The following GRM7 variants were observed in gnomAD, a reference collection of about 807,000 sequenced individuals.
GRM7 encodes metabotropic glutamate receptor 7.
GRM7 carries 35 observed loss-of-function variants against 84.5 expected under a neutral mutation model. That is an observed-to-expected ratio of 0.41 (90% confidence interval 0.32 to 0.55). The LOEUF (loss-of-function observed/expected upper bound fraction) is 0.55. GRM7 is among the 20% of genes least tolerant of loss of function. GRM7 has a pLI of 0.19. For missense variants in GRM7, 1,003 were observed against 1,194.6 expected (o/e 0.84, Z 2.36); for synonymous variants, 487 against 455.1 (o/e 1.07, Z -0.89).
At chr3:7,706,363 G>T (rs1455035858) in intron 9 of GRM7, among the ~76,000 whole-genome samples, 3 of 152,138 alleles carry the variant, frequency 2.0e-5, no homozygotes, top group Non-Finnish European at 2.9e-5. Context: ...GAATGTTGTA[G>T]TTTGTATGTG....
chr3:7,386,702 C>T (rs760752157), intron 4 of GRM7, among the ~76,000 whole-genome samples: 2 of 152,160 alleles, frequency 1.3e-5, no homozygotes, highest in South Asian at 2.1e-4. Context: ...CATGACCCTG[C>T]TATTGTTAAT....
At chr3:7,059,053 A>C (rs1425156499) in intron 1 of GRM7, among the ~76,000 whole-genome samples, 1 of 151,880 alleles carries the variant, frequency 6.6e-6, no homozygotes, top group Non-Finnish European at 1.5e-5. Flanking sequence ...GCAGATATTT[A>C]AGAATGTTAG....
Position 6,862,913 on chromosome 3 carries a change from C to G in GRM7, c.519+1006C>G, listed in dbSNP as rs1694810677. 2.3e-6 allele frequency: 1 copy of G among 430,662 alleles called. No homozygotes were observed. Among genetic ancestry groups the G allele is most frequent in the East Asian group, 7.9e-5 (1 of 12,682 alleles). 26.7% of individuals were successfully genotyped at this position (430,662 alleles called of 1,614,324 possible). ...GAGAAAAAATGGGAGGAAGGCGGATCCGGGGCCGCTGAGCGGTGGGTTCTG... is the reference window on the plus strand; with the variant it reads ...GAGAAAAAATGGGAGGAAGGCGGATGCGGGGCCGCTGAGCGGTGGGTTCTG... On this transcript the variant is annotated intron_variant, in intron 1 of 9. Coordinates refer to ENST00000357716, the MANE Select transcript of GRM7 (RefSeq NM_000844.4). The surrounding 1 kb of genome is among the most constrained non-coding windows in gnomAD (Gnocchi z 5.2).
intron 9 of GRM7, among the ~76,000 whole-genome samples, chr3:7,684,965 CCTGT>C (rs1339174230): frequency 6.6e-6 from 1 of 152,178 alleles, no homozygotes; most frequent in African/African-American, 2.4e-5. Context: ...TTCTCACATT[CCTGT>C]CTAAGAAGAA....
chr3:7,032,064 C>T (rs1034198047), intron 1 of GRM7, among the ~76,000 whole-genome samples: 9 of 152,176 alleles, frequency 5.9e-5, no homozygotes, highest in Non-Finnish European at 1.0e-4. Context: ...TTTGAAGTGC[C>T]TAATATCCTA....
chr3:7,135,956 G>A (rs780214945), intron 1 of GRM7, among the ~76,000 whole-genome samples: 3 of 151,928 alleles, frequency 2.0e-5, no homozygotes, highest in Non-Finnish European at 2.9e-5. Flanking sequence ...AGTCTTCAGT[G>A]ACAATTATTG....
chr3:7,401,977 C>G (rs1419017572), intron 4 of GRM7, among the ~76,000 whole-genome samples: 1 of 152,096 alleles, frequency 6.6e-6, no homozygotes, highest in African/African-American at 2.4e-5. Context: ...AGGAATATAT[C>G]AAGGCCTTAG....
chr3:7,383,021 A>G (rs1342377134), intron 4 of GRM7, among the ~76,000 whole-genome samples: 1 of 152,006 alleles, frequency 6.6e-6, no homozygotes, highest in Non-Finnish European at 1.5e-5. Context: ...GTTTGTATTG[A>G]TTTTTCTCGT....
At chr3:7,563,507 A>G (rs1349995444) in intron 7 of GRM7, among the ~76,000 whole-genome samples, 1 of 152,208 alleles carries the variant, frequency 6.6e-6, no homozygotes, top group Non-Finnish European at 1.5e-5. Flanking sequence ...ATTTCAAACA[A>G]GAGAAAGACC....
chr3:7,184,043 T>G (rs1385312684), intron 2 of GRM7, among the ~76,000 whole-genome samples: 2 of 151,976 alleles, frequency 1.3e-5, no homozygotes, highest in Non-Finnish European at 2.9e-5. Context: ...TGAAATGAAA[T>G]GTATGTTTTG....
intron 2 of GRM7, among the ~76,000 whole-genome samples, chr3:7,257,720 C>T (rs1332858271): frequency 6.6e-6 from 1 of 152,180 alleles, no homozygotes; most frequent in African/African-American, 2.4e-5. Flanking sequence ...TTCCTAACAG[C>T]ATGGATCAGA....
intron 6 of GRM7, among the ~76,000 whole-genome samples, chr3:7,459,442 A>G (rs749723251): frequency 6.6e-6 from 1 of 152,096 alleles, no homozygotes; most frequent in Non-Finnish European, 1.5e-5. Context: ...CACTGCTGAT[A>G]AAGACTTGCC....
chr3:7,547,122 C>G (rs1449273343), intron 7 of GRM7, among the ~76,000 whole-genome samples: 1 of 151,556 alleles, frequency 6.6e-6, no homozygotes, highest in Non-Finnish European at 1.5e-5. Flanking sequence ...CTAATGAACC[C>G]GTCCTATGCC....
intron 8 of GRM7, among the ~76,000 whole-genome samples, chr3:7,645,200 GA>G (rs1180425115): frequency 6.6e-6 from 1 of 152,026 alleles, no homozygotes; most frequent in Non-Finnish European, 1.5e-5. Context: ...TTCCTAAACT[GA>G]GGTAGATGGA....
intron 2 of GRM7, among the ~76,000 whole-genome samples, chr3:7,182,896 G>GTTT (rs5846493): frequency 0.22 from 24,024 of 110,410 alleles, 3,165 homozygotes; most frequent in Non-Finnish European, 0.33. Context: ...ACGTGAAAGT[G>GTTT]TTTTTTTTTT....
At chr3:7,646,926 C>G (rs4686147) in intron 8 of GRM7, among the ~76,000 whole-genome samples, 49,919 of 151,974 alleles carry the variant, frequency 0.33, 8,447 homozygotes, top group Non-Finnish European at 0.36. Flanking sequence ...GGCTGAGGCA[C>G]GAACAGGGTC....
chr3:7,020,699 C>G (rs928048789), intron 1 of GRM7, among the ~76,000 whole-genome samples: 5 of 152,136 alleles, frequency 3.3e-5, no homozygotes, highest in Non-Finnish European at 7.3e-5. Flanking sequence ...AAATATCATC[C>G]TGGTAATCTC....
chr3:7,253,283 C>T (rs148121037), intron 2 of GRM7, among the ~76,000 whole-genome samples: 265 of 152,210 alleles, frequency 1.7e-3, no homozygotes, highest in African/African-American at 5.7e-3. Context: ...GACAATATTC[C>T]AATGTATGCA....
chr3:7,483,027 C>T (rs1422797853), intron 7 of GRM7, among the ~76,000 whole-genome samples: 2 of 152,066 alleles, frequency 1.3e-5, no homozygotes, highest in Non-Finnish European at 1.5e-5. Flanking sequence ...CTGGAATTCC[C>T]GTTTTGCAAA....
Sources: allele counts gnomAD v4.1 joint callset (sites outside exome capture counted in the v4.1 genomes callset), GRCh38; gene constraint gnomAD v4.1.1; non-coding constraint Gnocchi (gnomAD v3.1); transcripts MANE v1.5; gene names NCBI Gene and HGNC (gene_info 2026-07-23, HGNC 2026-07-21).